The following MPC2 variants were observed in gnomAD, a reference collection of about 807,000 sequenced individuals.
The protein encoded by MPC2 is mitochondrial pyruvate carrier 2.
Under a neutral mutation model 19.2 loss-of-function variants are expected in MPC2, and 19 were observed. The ratio of observed to expected loss-of-function variants is 0.99; its 90% CI spans 0.69 to 1.45. The LOEUF (loss-of-function observed/expected upper bound fraction) is 1.45. MPC2 is among the 40% of genes most tolerant of loss of function. MPC2 has a pLI of 0.00. For synonymous variants in MPC2, 61 were observed against 54.3 expected (o/e 1.12, Z -0.54); for missense variants, 122 against 153.0 (o/e 0.80, Z 1.07).
intron 3 of MPC2, 33 bp from the exon 4 acceptor site, chr1:167,920,664 T>C: frequency 6.3e-7 from 1 of 1,590,814 alleles, no homozygotes; most frequent in Non-Finnish European, 8.6e-7. Flanking sequence ...AAAAAAAGTA[T>C]CACAAATGTG....
At chr1:167,936,137 G>T in intron 1 of MPC2, 1 of 408,948 alleles carries the variant, frequency 2.4e-6, no homozygotes. Flanking sequence ...ACCTCACCAA[G>T]TCTGCGCTGC....
Position 167,937,015 on chromosome 1 carries a change from G to C in MPC2, c.-134C>G. 1 of 1,603,388 alleles carries C rather than the reference G, an allele frequency of 6.2e-7. No individual in the cohort carries two copies. Among genetic ancestry groups the C allele is most frequent in the Non-Finnish European group, 8.5e-7 (1 of 1,175,518 alleles). ...CTGCGGAGTCGCTACCTGGGTGAGCGGGGGCCCCGGGGCGGAGGCGCTGAG... is the reference window on the plus strand; with the variant it reads ...CTGCGGAGTCGCTACCTGGGTGAGCCGGGGCCCCGGGGCGGAGGCGCTGAG... On this transcript the variant is annotated 5_prime_UTR_variant, in exon 1 of 6. Coordinates refer to ENST00000271373, the MANE Select transcript of MPC2 (RefSeq NM_001143674.4).
chr1:167,935,728 A>T lies in MPC2; in HGVS notation c.109+5T>A, dbSNP rs1671125996. On this transcript the variant is annotated splice_donor_5th_base_variant and intron_variant, in intron 2 of 5. Transcript: ENST00000271373. ...CTCGATAAGGAGCCATTCAGGGTCC[A>T]TTACCTGCTGGATGGTTGTACAACG... The T allele has an allele frequency of 3.2e-6, 5 of 1,557,470 alleles. No individual in the cohort carries two copies. The highest frequency in any genetic ancestry group is 4.3e-6 in the Non-Finnish European group (5 of 1,149,816).
chr1:167,925,460 T>TATATATATATATAC (rs1262364267), intron 2 of MPC2, among the ~76,000 whole-genome samples: 4 of 115,250 alleles, frequency 3.5e-5, no homozygotes, highest in African/African-American at 1.1e-4. Context: ...TATATATATA[T>TATATATATATATAC]ATATATATAT....
chr1:167,926,801 A>G (rs1447852721), intron 2 of MPC2, among the ~76,000 whole-genome samples: 1 of 152,190 alleles, frequency 6.6e-6, no homozygotes, highest in African/African-American at 2.4e-5. Context: ...ATGGCTCTTC[A>G]GTTCATGCTG....
At chr1:167,936,275 A>C in intron 1 of MPC2, 1 of 207,582 alleles carries the variant, frequency 4.8e-6, no homozygotes, top group South Asian at 7.1e-5. Flanking sequence ...TGGAGAAGGG[A>C]AAGTGAAGCT....
chr1:167,931,924 ATAT>A (rs1008897061), intron 2 of MPC2, among the ~76,000 whole-genome samples: 5 of 152,184 alleles, frequency 3.3e-5, no homozygotes, highest in Non-Finnish European at 7.4e-5. Flanking sequence ...AAAAATGCAA[ATAT>A]TATTCTTATT....
chr1:167,936,709 G>C (rs1349070784), intron 1 of MPC2: 9 of 579,364 alleles, frequency 1.6e-5, no homozygotes, highest in African/African-American at 2.0e-5. Context: ...CTAAGAAGGA[G>C]AGTATGAGGC....
chr1:167,936,956 G>A lies in MPC2; in HGVS notation c.-75C>T, dbSNP rs1228017790. 1 of 1,611,112 alleles carries A rather than the reference G, an allele frequency of 6.2e-7. No individual in the cohort carries two copies. The highest frequency in any genetic ancestry group is 8.5e-7 in the Non-Finnish European group (1 of 1,179,226). ...ACCCACACCTGTTGTGGGACGTGAGGAAAAGGTCCCTCGGGCTGGAGGACC... is the reference window on the plus strand; with the variant it reads ...ACCCACACCTGTTGTGGGACGTGAGAAAAAGGTCCCTCGGGCTGGAGGACC... On this transcript the variant is annotated 5_prime_UTR_variant, in exon 1 of 6. Coordinates refer to ENST00000271373, the MANE Select transcript of MPC2 (RefSeq NM_001143674.4).
intron 2 of MPC2, among the ~76,000 whole-genome samples, chr1:167,930,850 T>C (rs1388677197): frequency 6.6e-6 from 1 of 152,274 alleles, no homozygotes; most frequent in East Asian, 1.9e-4. Flanking sequence ...TTTCTTCTCC[T>C]TTAGCACATC....
chr1:167,930,265 TAA>T (rs1435649139), intron 2 of MPC2, among the ~76,000 whole-genome samples: 1 of 152,134 alleles, frequency 6.6e-6, no homozygotes, highest in African/African-American at 2.4e-5. Context: ...AAAGAACAGG[TAA>T]AGAGACTAAA....
At chr1:167,923,023 T>TAAAAAC (rs1670642005) in intron 3 of MPC2, among the ~76,000 whole-genome samples, 1 of 152,056 alleles carries the variant, frequency 6.6e-6, no homozygotes, top group African/African-American at 2.4e-5. Context: ...GTGCCTATCA[T>TAAAAAC]AAAAACAAAA....
At position 167,937,068 on chromosome 1, in the gene MPC2, A is replaced by G; in HGVS notation, c.-187T>C. On this transcript the variant is annotated 5_prime_UTR_variant, in exon 1 of 6. Coordinates refer to ENST00000271373, the MANE Select transcript of MPC2 (RefSeq NM_001143674.4). ...CGCCGCCTAGAGTGGGGGAGGGGGC[A>G]CGCTGCCGGGTCTGTTGGAGGTGGG... The G allele has an allele frequency of 2.1e-6, 3 of 1,422,042 alleles. No individual in the cohort carries two copies. Among genetic ancestry groups the G allele is most frequent in the Non-Finnish European group, 2.9e-6 (3 of 1,027,550 alleles). The allele number at this position is 1,422,042 out of a possible 1,614,324, so 88.1% of individuals were successfully genotyped here.
intron 1 of MPC2, 184 bp downstream of exon 1, chr1:167,936,755 C>T (rs1671284338): frequency 4.7e-6 from 3 of 640,816 alleles, no homozygotes; most frequent in African/African-American, 1.9e-5. Flanking sequence ...CTTCAGGGGC[C>T]CAGGCGCCGC....
chr1:167,919,218 G>A (rs1670541646), intron 5 of MPC2, among the ~76,000 whole-genome samples: 1 of 152,108 alleles, frequency 6.6e-6, no homozygotes, highest in Admixed American at 6.5e-5. Flanking sequence ...GTTCACAAAC[G>A]CTAAGGACCA....
intron 2 of MPC2, among the ~76,000 whole-genome samples, chr1:167,925,422 T>C (rs1475222219): frequency 7.5e-6 from 1 of 132,708 alleles, no homozygotes; most frequent in Non-Finnish European, 1.6e-5. Context: ...GTATATATAA[T>C]ATACAGATAT....
intron 2 of MPC2, among the ~76,000 whole-genome samples, chr1:167,925,456 TATATATATATATATATATACATATAC>T (rs1670719025): frequency 8.9e-6 from 1 of 111,910 alleles, no homozygotes; most frequent in South Asian, 2.5e-4. Flanking sequence ...TATATATATA[TATATATATATATATATATACATATAC>T]ATATACACAC....
chr1:167,927,186 T>C (rs1670784096), intron 2 of MPC2, among the ~76,000 whole-genome samples: 1 of 152,222 alleles, frequency 6.6e-6, no homozygotes, highest in Non-Finnish European at 1.5e-5. Context: ...GGCTGGAATT[T>C]GCTGTTTTCT....
At chr1:167,923,762 C>T (rs1016591455) in intron 3 of MPC2, among the ~76,000 whole-genome samples, 4 of 151,530 alleles carry the variant, frequency 2.6e-5, no homozygotes, top group East Asian at 1.9e-4. Flanking sequence ...GAGAATCATC[C>T]GAAGAGGTTA....
Sources: allele counts gnomAD v4.1 joint callset (sites outside exome capture counted in the v4.1 genomes callset), GRCh38; gene constraint gnomAD v4.1.1; transcripts MANE v1.5; gene names NCBI Gene and HGNC (gene_info 2026-07-23, HGNC 2026-07-21).